The following KCNQ1 variants were observed in gnomAD, a reference collection of about 807,000 sequenced individuals.
KCNQ1 encodes the protein potassium voltage-gated channel subfamily Q member 1, also known as potassium voltage-gated channel subfamily KQT member 1.
In KCNQ1, 49 loss-of-function variants were observed where a neutral mutation model predicts 72.4. The ratio of observed to expected loss-of-function variants is 0.68; its 90% CI spans 0.54 to 0.86. The LOEUF (loss-of-function observed/expected upper bound fraction) is 0.86, where lower values mean the gene tolerates loss of function less well. Among genes scored for constraint, KCNQ1 ranks in the 40% least tolerant of loss-of-function variants. KCNQ1 has a pLI of 0.00. For missense variants in KCNQ1, 790 were observed against 945.1 expected (o/e 0.84, Z 2.15); for synonymous variants, 450 against 412.6 (o/e 1.09, Z -1.10).
intron 1 of KCNQ1, among the ~76,000 whole-genome samples, chr11:2,499,816 A>G (rs189848422): frequency 6.6e-6 from 1 of 152,340 alleles, no homozygotes; most frequent in East Asian, 1.9e-4. Context: ...GACCAAATAT[A>G]CCTAATAGAT....
chr11:2,476,516 AG>A (rs1483637738), intron 1 of KCNQ1, among the ~76,000 whole-genome samples: 1 of 152,220 alleles, frequency 6.6e-6, no homozygotes, highest in Non-Finnish European at 1.5e-5. Flanking sequence ...ATAAGAGATA[AG>A]AATAGAAAAT....
At position 2,734,781 on chromosome 11, in the gene KCNQ1, G is replaced by A. The variant is rs913766782; in HGVS notation, c.1515-34063G>A. On this transcript the variant is annotated intron_variant, in intron 11 of 15. Transcript: ENST00000155840. The surrounding 1 kb of genome is among the most constrained non-coding windows in gnomAD (Gnocchi z 7.0). ...GACCACCGCTCCTCCGCCATAAACC[G>A]TGTTGGATGGGCCTCCTGCCTCCTC... is the stretch of plus-strand genomic sequence containing the variant. 6.6e-5 allele frequency among the ~76,000 whole-genome samples: 10 copies of A among 152,048 alleles called. 1 individual carries two copies. In the South Asian group the frequency reaches 1.2e-3, roughly 19 times the overall value.
At chr11:2,656,784 T>C in intron 10 of KCNQ1, 1 of 398,674 alleles carries the variant, frequency 2.5e-6, no homozygotes, top group Non-Finnish European at 4.4e-6. Flanking sequence ...AAAACCATCC[T>C]AATGCTGATG....
At position 2,691,825 on chromosome 11, in the gene KCNQ1, C is replaced by T. The variant is rs1850593355; in HGVS notation, c.1514+29744C>T. The T allele has an allele frequency of 7.5e-6, 3 of 398,598 alleles. No homozygotes were observed. The highest frequency in any genetic ancestry group is 1.3e-5 in the Non-Finnish European group (3 of 226,156). The allele number at this position is 398,598 out of a possible 1,614,324, so 24.7% of individuals were successfully genotyped here. ...ATCACAAGCACTGGATCCAATGTGA[C>T]CTCTGCCAGGACCATGACCCCTAGG... On this transcript the variant is annotated intron_variant, in intron 11 of 15. Coordinates refer to ENST00000155840, the MANE Select transcript of KCNQ1 (RefSeq NM_000218.3). This position sits in a 1 kb window ranked among gnomAD's most constrained non-coding sequence, Gnocchi z 6.4.
At chr11:2,846,153 C>G (rs1300836122) in intron 15 of KCNQ1, among the ~76,000 whole-genome samples, 1 of 152,214 alleles carries the variant, frequency 6.6e-6, no homozygotes, top group Admixed American at 6.5e-5. Flanking sequence ...AGGGACCAGG[C>G]CCGCCCGGCG....
intron 2 of KCNQ1, among the ~76,000 whole-genome samples, chr11:2,542,535 A>G (rs1334308942): frequency 6.6e-6 from 1 of 152,246 alleles, no homozygotes; most frequent in Non-Finnish European, 1.5e-5. Flanking sequence ...GGTGTACGCC[A>G]CAGGACCATC....
chr11:2,709,994 G>A (rs536971402), intron 11 of KCNQ1, among the ~76,000 whole-genome samples: 2 of 152,294 alleles, frequency 1.3e-5, no homozygotes, highest in East Asian at 1.9e-4. Context: ...TTTTTCTTGA[G>A]TATTCACAGA....
At chr11:2,575,240 G>T (rs911404081) in intron 6 of KCNQ1, among the ~76,000 whole-genome samples, 2 of 152,194 alleles carry the variant, frequency 1.3e-5, no homozygotes, top group African/African-American at 4.8e-5. Flanking sequence ...CGGGAACACG[G>T]CCCCTTTGTG....
chr11:2,798,048 G>A (rs978425000), intron 15 of KCNQ1, among the ~76,000 whole-genome samples: 4 of 152,264 alleles, frequency 2.6e-5, no homozygotes, highest in Admixed American at 6.5e-5. Flanking sequence ...CATCCACAGC[G>A]GCCTTGGGAC....
At chr11:2,581,102 A>T (rs566216541) in intron 6 of KCNQ1, among the ~76,000 whole-genome samples, 105 of 152,120 alleles carry the variant, frequency 6.9e-4, no homozygotes, top group Non-Finnish European at 7.2e-4. Flanking sequence ...GATTAGACAG[A>T]CTCTGGAGCC....
chr11:2,812,740 G>C (rs562930234), intron 15 of KCNQ1, among the ~76,000 whole-genome samples: 1 of 152,120 alleles, frequency 6.6e-6, no homozygotes, highest in Non-Finnish European at 1.5e-5. Context: ...TTCCATGGCC[G>C]TGGGCCCCAC....
chr11:2,831,614 T>G (rs898675645), intron 15 of KCNQ1, among the ~76,000 whole-genome samples: 10 of 151,374 alleles, frequency 6.6e-5, no homozygotes, highest in African/African-American at 9.7e-5. Context: ...TCCCCTCCGC[T>G]CCTCTCTCCC....
chr11:2,472,265 GTA>G (rs1456630198), intron 1 of KCNQ1, among the ~76,000 whole-genome samples: 1 of 151,434 alleles, frequency 6.6e-6, no homozygotes, highest in Non-Finnish European at 1.5e-5. Flanking sequence ...GTGTATAAGT[GTA>G]TGTGCACATG....
intron 8 of KCNQ1, among the ~76,000 whole-genome samples, chr11:2,585,747 G>T (rs1185124293): frequency 6.6e-6 from 1 of 152,236 alleles, no homozygotes; most frequent in Admixed American, 6.5e-5. Context: ...GGCTCGGGAG[G>T]CCCTGGTGCC....
At chr11:2,747,540 A>G (rs1056693683) in intron 11 of KCNQ1, among the ~76,000 whole-genome samples, 4 of 152,178 alleles carry the variant, frequency 2.6e-5, no homozygotes, top group African/African-American at 7.2e-5. Flanking sequence ...CTAGGCATCC[A>G]CCGTGTGCCA....
At position 2,549,366 on chromosome 11, in the gene KCNQ1, C is replaced by A. The variant is rs184978623; in HGVS notation, c.478-21262C>A. On this transcript the variant is annotated intron_variant, in intron 2 of 15. Transcript: ENST00000155840. This position sits in a 1 kb window ranked among gnomAD's most constrained non-coding sequence, Gnocchi z 6.2. ...ACCTGGGGCGACCCTCCTTGGCCGT[C>A]CTTGCCATCCTCGCCATCCTCTCTC... Among the ~76,000 whole-genome samples the A allele has an allele frequency of 1.3e-3, 197 of 152,060 alleles. 1 individual carries two copies. Among genetic ancestry groups the A allele is most frequent in the South Asian group, 4.2e-4 (2 of 4,808 alleles).
At chr11:2,590,973 C>A (rs1005834265) in intron 10 of KCNQ1, among the ~76,000 whole-genome samples, 1 of 152,248 alleles carries the variant, frequency 6.6e-6, no homozygotes, top group Admixed American at 6.5e-5. Context: ...CTCAGCCATC[C>A]AAGTAATATG....
chr11:2,687,761 C>T lies in KCNQ1; in HGVS notation c.1514+25680C>T. On this transcript the variant is annotated intron_variant, in intron 11 of 15. Coordinates refer to ENST00000155840, the MANE Select transcript of KCNQ1 (RefSeq NM_000218.3). This position sits in a 1 kb window ranked among gnomAD's most constrained non-coding sequence, Gnocchi z 5.0. ...ATCATGGGGAGACTGAGAAGAGGAG[C>T]CCCTTAGCAGGCCTAACCACACCCC... The T allele has an allele frequency of 7.5e-6, 3 of 398,706 alleles. No homozygotes were observed. Among genetic ancestry groups the T allele is most frequent in the Middle Eastern group, 1.3e-3 (2 of 1,592 alleles). The allele number at this position is 398,706 out of a possible 1,614,324, so 24.7% of individuals were successfully genotyped here. A position where few individuals can be genotyped will look rare whatever the true frequency, so the allele number is the denominator to read the frequency against.
At chr11:2,571,276 C>T in intron 3 of KCNQ1, 49 bp from the exon 4 acceptor site, 2 of 1,463,374 alleles carry the variant, frequency 1.4e-6, no homozygotes, top group Non-Finnish European at 1.9e-6. Context: ...TTCCCTGGGG[C>T]CCTGGCTGTG....
Sources: allele counts gnomAD v4.1 joint callset (sites outside exome capture counted in the v4.1 genomes callset), GRCh38; gene constraint gnomAD v4.1.1; non-coding constraint Gnocchi (gnomAD v3.1); transcripts MANE v1.5; gene names NCBI Gene and HGNC (gene_info 2026-07-23, HGNC 2026-07-21).